ESR1: variants seen among roughly 807,000 people sequenced by gnomAD.
The protein encoded by ESR1 is estrogen receptor 1, also known as estrogen receptor.
ESR1 carries 12 observed loss-of-function variants against 52.7 expected under a neutral mutation model. That is an observed-to-expected ratio of 0.23 (90% CI 0.15 to 0.37). ESR1 has a LOEUF of 0.37. ESR1 is among the 10% of genes least tolerant of loss of function. ESR1 has a pLI of 1.00. For missense variants in ESR1, 584 were observed against 779.7 expected (o/e 0.75, Z 2.99); for synonymous variants, 305 against 316.8 (o/e 0.96, Z 0.39).
At chr6:152,067,784 G>T (rs554983401) in intron 6 of ESR1, among the ~76,000 whole-genome samples, 1 of 152,240 alleles carries the variant, frequency 6.6e-6, no homozygotes, top group East Asian at 1.9e-4. Flanking sequence ...CCAAGATCGT[G>T]CCATTGCACT....
rs2037519877 is a variant in ESR1 at position 151,960,448 on chromosome 6, G to T, written c.1096+15940G>T. 2.6e-5 allele frequency among the ~76,000 whole-genome samples: 4 copies of T among 152,168 alleles called. No homozygotes were observed. The South Asian group carries it at 8.3e-4, about 32-fold the overall frequency. ...GAGATCTTTTGAGCAACACCTGAAG[G>T]AGGAGGTGAGAAAGTTAGCCATGTG... is the stretch of plus-strand genomic sequence containing the variant. On this transcript the variant is annotated intron_variant, in intron 4 of 7. Transcript: ENST00000206249.
chr6:152,075,678 G>T (rs1428982151), intron 6 of ESR1, among the ~76,000 whole-genome samples: 1 of 152,218 alleles, frequency 6.6e-6, no homozygotes, highest in Non-Finnish European at 1.5e-5. Flanking sequence ...TGATACATTT[G>T]CAAACCAGAA....
chr6:151,701,807 G>A (rs1226681171), intron 1 of ESR1: 1 of 152,078 alleles, frequency 6.6e-6, no homozygotes. Flanking sequence ...AGTCAAACTA[G>A]CTTTAATTAA....
At chr6:152,015,260 T>G in intron 5 of ESR1, among the ~76,000 whole-genome samples, 1 of 152,276 alleles carries the variant, frequency 6.6e-6, no homozygotes, top group African/African-American at 2.4e-5. Flanking sequence ...CCTCCACCAT[T>G]ACGGTTCCTT....
intron 4 of ESR1, among the ~76,000 whole-genome samples, chr6:151,955,737 A>C (rs920423128): frequency 1.3e-5 from 2 of 152,122 alleles, no homozygotes; most frequent in African/African-American, 4.8e-5. Context: ...AGTAACTTTT[A>C]TTTTAGGTTC....
At chr6:151,729,550 T>C (rs183463910) in intron 2 of ESR1, among the ~76,000 whole-genome samples, 337 of 152,262 alleles carry the variant, frequency 2.2e-3, no homozygotes, top group Middle Eastern at 6.8e-3. Flanking sequence ...AGGAATCAAC[T>C]GGAAGTAGTA....
At chr6:152,110,793 C>T (rs2051123363) in intron 6 of ESR1, among the ~76,000 whole-genome samples, 1 of 152,118 alleles carries the variant, frequency 6.6e-6, no homozygotes. Flanking sequence ...AAATATGACA[C>T]CTTGGACAGG....
chr6:151,924,622 G>A (rs1276442236), intron 3 of ESR1, among the ~76,000 whole-genome samples: 1 of 151,900 alleles, frequency 6.6e-6, no homozygotes, highest in Non-Finnish European at 1.5e-5. Flanking sequence ...AGTGTCTCTT[G>A]TTCCCCTCTT....
At chr6:152,120,850 G>C (rs2051307371) in intron 6 of ESR1, among the ~76,000 whole-genome samples, 2 of 152,310 alleles carry the variant, frequency 1.3e-5, no homozygotes, top group South Asian at 4.1e-4. Flanking sequence ...GCAGTTTCAG[G>C]CAAGGTGAAG....
At chr6:151,926,911 A>G (rs1326398820) in intron 3 of ESR1, among the ~76,000 whole-genome samples, 1 of 152,144 alleles carries the variant, frequency 6.6e-6, no homozygotes, top group Non-Finnish European at 1.5e-5. Flanking sequence ...GAGATAAGAT[A>G]TCTTAGAATT....
intron 2 of ESR1, among the ~76,000 whole-genome samples, chr6:151,744,896 A>C (rs1334550947): frequency 6.6e-6 from 1 of 152,140 alleles, no homozygotes; most frequent in Non-Finnish European, 1.5e-5. Flanking sequence ...ATATGGTGTG[A>C]GGTAGAGGTT....
chr6:151,859,657 C>T (rs888467343), intron 2 of ESR1, among the ~76,000 whole-genome samples: 1 of 152,202 alleles, frequency 6.6e-6, no homozygotes, highest in African/African-American at 2.4e-5. Context: ...TTGGCAACAG[C>T]TGCCAGGGTT....
At chr6:151,663,108 C>T (rs1247800668) in intron 1 of ESR1, among the ~76,000 whole-genome samples, 2 of 152,230 alleles carry the variant, frequency 1.3e-5, no homozygotes, top group Admixed American at 6.5e-5. Flanking sequence ...CAGTTGCTCA[C>T]CTCTTTGAGC....
At chr6:151,887,778 C>T (rs1794087984) in intron 3 of ESR1, among the ~76,000 whole-genome samples, 1 of 152,036 alleles carries the variant, frequency 6.6e-6, no homozygotes, top group South Asian at 2.1e-4. Context: ...GGACCATGTT[C>T]TTAAGCTGGT....
At position 151,685,107 on chromosome 6, in the gene ESR1, C is replaced by CTTTTTTT. The variant is rs772122906; in HGVS notation, n.74-16737_74-16731dup. 7.1e-4 allele frequency among the ~76,000 whole-genome samples: 52 copies of CTTTTTTT among 72,946 alleles called. 8 individuals carry two copies. The highest frequency in any genetic ancestry group is 1.1e-3 in the Non-Finnish European group (44 of 39,730). 47.9% of individuals were successfully genotyped at this position (72,946 alleles called of 152,430 possible). On this transcript the variant is annotated intron_variant and non_coding_transcript_variant, in intron 1 of 2. Transcript: ENST00000473497. ...TATCATTTTTGTCTGACACTGGCCTCTTTTTTTTTTTTTTTTTTTTTTTTT... is the reference window on the plus strand; with the variant it reads ...TATCATTTTTGTCTGACACTGGCCTCTTTTTTTTTTTTTTTTTTTTTTTTTTTTTTTT...
rs148469265 is a variant in ESR1, at chr6:151,987,944, C to A, written c.1097-23712C>A. On this transcript the variant is annotated intron_variant, in intron 4 of 7. Coordinates refer to ENST00000206249, the MANE Select transcript of ESR1 (RefSeq NM_000125.4). The stretch of plus-strand genomic sequence containing the variant: ...AGAGTGCAAATAATCACCTCCCTTG[C>A]CTGTTGTTTGGGTTTAATTCAGGAG... 4.7e-4 allele frequency among the ~76,000 whole-genome samples: 71 copies of A among 152,134 alleles called. No individual in the cohort carries two copies. In the East Asian group the frequency reaches 8.3e-3, roughly 18 times the overall value.
At chr6:151,679,933 A>T (rs1436712854) in intron 1 of ESR1, among the ~76,000 whole-genome samples, 1 of 152,172 alleles carries the variant, frequency 6.6e-6, no homozygotes, top group Admixed American at 6.5e-5. Context: ...CTGGCTTATA[A>T]GTCCAGTCCC....
Position 151,715,387 on chromosome 6 carries a change from T to C in ESR1, c.-71+13382T>C, listed in dbSNP as rs561200827. 5.9e-5 allele frequency among the ~76,000 whole-genome samples: 9 copies of C among 152,348 alleles called. No individual in the cohort carries two copies. The East Asian group carries it at 1.7e-3, about 29-fold the overall frequency. ...CCTGAATTTGAATGTTGGCCTGTCTTGCTAGGTTGGGGAAGTTCTCCTGGA... is the reference window on the plus strand; with the variant it reads ...CCTGAATTTGAATGTTGGCCTGTCTCGCTAGGTTGGGGAAGTTCTCCTGGA... On this transcript the variant is annotated intron_variant, in intron 2 of 2. Transcript: ENST00000404742.
intron 6 of ESR1, among the ~76,000 whole-genome samples, chr6:152,087,594 G>A (rs932591553): frequency 6.6e-6 from 1 of 152,274 alleles, no homozygotes; most frequent in South Asian, 2.1e-4. Flanking sequence ...TCATGAATGG[G>A]TGGCTTCCAA....
Sources: allele counts gnomAD v4.1 joint callset (sites outside exome capture counted in the v4.1 genomes callset), GRCh38; gene constraint gnomAD v4.1.1; transcripts MANE v1.5; gene names NCBI Gene and HGNC (gene_info 2026-07-23, HGNC 2026-07-21).